Variants in LYRM4 observed in about 807,000 individuals in gnomAD.
LYRM4 encodes the protein LYR motif-containing protein 4.
Under a neutral mutation model 11.7 loss-of-function variants are expected in LYRM4, and 9 were observed. That is an observed-to-expected ratio of 0.77 (90% CI 0.46 to 1.34). LYRM4 has a LOEUF of 1.34. Ranked by LOEUF, LYRM4 falls within the 40% of genes most tolerant of loss-of-function variation. The pLI, the probability that LYRM4 is intolerant of heterozygous loss-of-function variation, is 0.00. For missense variants in LYRM4, 133 were observed against 112.5 expected, an observed-to-expected ratio of 1.18 and a Z score of -0.82; for synonymous variants, 42 against 40.4, an observed-to-expected ratio of 1.04 and a Z score of -0.15.
At chr6:5,206,970 A>G (rs1236434432) in intron 2 of LYRM4, among the ~76,000 whole-genome samples, 1 of 152,200 alleles carries the variant, frequency 6.6e-6, no homozygotes, top group Non-Finnish European at 1.5e-5. Flanking sequence ...TATTTCAAAA[A>G]CACATTGAGT....
intron 1 of LYRM4, among the ~76,000 whole-genome samples, chr6:5,255,099 A>T (rs565666461): frequency 6.6e-6 from 1 of 152,232 alleles, no homozygotes; most frequent in South Asian, 2.1e-4. Flanking sequence ...CCCCAAACAT[A>T]TGACTATCTT....
the LYRM4 span, chr6:5,086,540 C>A: frequency 6.5e-7 from 1 of 1,528,676 alleles, no homozygotes; most frequent in African/African-American, 1.4e-5. Context: ...CTGCGCTACG[C>A]GCGCCCTGCG....
chr6:5,169,348 C>G (rs1759282377), intron 2 of LYRM4, among the ~76,000 whole-genome samples: 1 of 152,178 alleles, frequency 6.6e-6, no homozygotes, highest in Non-Finnish European at 1.5e-5. Context: ...AAGGAAGGAA[C>G]TGGCACAAAC....
chr6:5,081,050 AAGCTTGGAGCCTCTG>A, the LYRM4 span, among the ~76,000 whole-genome samples: 1 of 150,546 alleles, frequency 6.6e-6, no homozygotes, highest in African/African-American at 2.5e-5. Flanking sequence ...ACAAACGGTA[AAGCTTGGAGCCTCTG>A]AATGCCCGGA....
chr6:5,251,870 A>G (rs1236764375), intron 1 of LYRM4, among the ~76,000 whole-genome samples: 1 of 152,144 alleles, frequency 6.6e-6, no homozygotes, highest in African/African-American at 2.4e-5. Flanking sequence ...CCTGGTTCCC[A>G]CTCCAGGAGC....
chr6:5,071,871 CT>C, the LYRM4 span, among the ~76,000 whole-genome samples: 1 of 152,232 alleles, frequency 6.6e-6, no homozygotes, highest in Non-Finnish European at 1.5e-5. Context: ...TCTCGAACTC[CT>C]GACCTCAAGT....
chr6:5,075,127 G>A, the LYRM4 span, among the ~76,000 whole-genome samples: 1 of 152,168 alleles, frequency 6.6e-6, no homozygotes, highest in Non-Finnish European at 1.5e-5. Flanking sequence ...CTCCCCAGAA[G>A]CCAAGCAGAT....
At chr6:5,086,288 A>G in the LYRM4 span, 3 of 1,535,474 alleles carry the variant, frequency 2.0e-6, no homozygotes, top group African/African-American at 1.4e-5. Context: ...GCTGAGCTGC[A>G]GCCCGAGCCG....
At chr6:5,143,730 A>G (rs532243548) in intron 2 of LYRM4, among the ~76,000 whole-genome samples, 1 of 152,356 alleles carries the variant, frequency 6.6e-6, no homozygotes, top group East Asian at 1.9e-4. Context: ...TTACAGCAGA[A>G]GAACCTGAGT....
intron 2 of LYRM4, among the ~76,000 whole-genome samples, chr6:5,154,775 C>T (rs139367310): frequency 0.026 from 3,927 of 152,026 alleles, 106 homozygotes; most frequent in African/African-American, 0.07. Context: ...GCCGGGATCG[C>T]GCCACTGCAC....
intron 1 of LYRM4, among the ~76,000 whole-genome samples, chr6:5,236,119 T>C (rs1160476724): frequency 6.6e-6 from 1 of 152,066 alleles, no homozygotes; most frequent in Admixed American, 6.5e-5. Flanking sequence ...AATAAACAAG[T>C]GGAGTGATGT....
At chr6:5,122,139 C>T (rs1763485129) in intron 2 of LYRM4, among the ~76,000 whole-genome samples, 1 of 152,168 alleles carries the variant, frequency 6.6e-6, no homozygotes, top group South Asian at 2.1e-4. Flanking sequence ...AGTCTGCTCA[C>T]CCATCCCCAG....
rs75828288 is a variant in LYRM4 at position 5,229,616 on chromosome 6, T to C, written c.87-12878A>G. 2.9e-3 allele frequency among the ~76,000 whole-genome samples: 434 copies of C among 151,242 alleles called. 2 individuals carry two copies. The highest frequency in any genetic ancestry group is 4.0e-3 in the Non-Finnish European group (272 of 68,028). ...CCCCTAAGTAGGACTGAAGTCCTAA[T>C]GTAAATGTCCAATAAAAACAGTCAG... On this transcript the variant is annotated intron_variant, in intron 1 of 2. Coordinates refer to ENST00000330636, the MANE Select transcript of LYRM4 (RefSeq NM_020408.6).
chr6:5,222,888 T>G (rs977993255), intron 1 of LYRM4, among the ~76,000 whole-genome samples: 1 of 151,312 alleles, frequency 6.6e-6, no homozygotes, highest in Non-Finnish European at 1.5e-5. Flanking sequence ...ATTAAATACG[T>G]TGGTGAGAAA....
chr6:5,142,272 G>A lies in LYRM4; in HGVS notation c.208-32781C>T, dbSNP rs929605155. ...GGACTCTTGCCTTTGGAACCCAGCCGCCATGTTGTGAGGAAGCCCAGGTTA... is the reference window on the plus strand; with the variant it reads ...GGACTCTTGCCTTTGGAACCCAGCCACCATGTTGTGAGGAAGCCCAGGTTA... On this transcript the variant is annotated intron_variant, in intron 2 of 2. Transcript: ENST00000330636. 7.9e-5 allele frequency among the ~76,000 whole-genome samples: 12 copies of A among 152,204 alleles called. 1 individual carries two copies. In the South Asian group the frequency reaches 1.0e-3, roughly 13 times the overall value.
chr6:5,242,467 C>T (rs1476736448), intron 1 of LYRM4, among the ~76,000 whole-genome samples: 2 of 151,490 alleles, frequency 1.3e-5, no homozygotes, highest in Non-Finnish European at 2.9e-5. Flanking sequence ...GGCCTGTAAT[C>T]CCAGCACTTT....
At chr6:5,222,921 T>C (rs1194826079) in intron 1 of LYRM4, among the ~76,000 whole-genome samples, 2 of 152,068 alleles carry the variant, frequency 1.3e-5, no homozygotes, top group Admixed American at 1.3e-4. Context: ...AAATTAACCT[T>C]CAGAATAGGG....
the LYRM4 span, among the ~76,000 whole-genome samples, chr6:5,067,851 T>G: frequency 6.6e-6 from 1 of 152,234 alleles, no homozygotes; most frequent in South Asian, 2.1e-4. Context: ...TTGAGGAATT[T>G]TAGCCATCAT....
At chr6:5,112,011 G>A (rs1463896203) in intron 2 of LYRM4, among the ~76,000 whole-genome samples, 1 of 152,224 alleles carries the variant, frequency 6.6e-6, no homozygotes, top group East Asian at 1.9e-4. Flanking sequence ...GGGCGCTGGT[G>A]GGAACCTGGC....
Sources: allele counts gnomAD v4.1 joint callset (sites outside exome capture counted in the v4.1 genomes callset), GRCh38; gene constraint gnomAD v4.1.1; transcripts MANE v1.5; gene names NCBI Gene and HGNC (gene_info 2026-07-23, HGNC 2026-07-21).